ITFG1: variants seen among roughly 807,000 people sequenced by gnomAD.
ITFG1 encodes integrin alpha FG-GAP repeat containing 1.
A neutral mutation model predicts 81.8 loss-of-function variants in ITFG1; 34 were observed. The ratio of observed to expected loss-of-function variants is 0.42; its 90% CI spans 0.32 to 0.55. ITFG1 has a LOEUF of 0.55. Among genes scored for constraint, ITFG1 ranks in the 20% least tolerant of loss-of-function variants. The pLI is 0.17. For synonymous variants in ITFG1, 285 were observed against 270.6 expected, an observed-to-expected ratio of 1.05 and a Z score of -0.52; for missense variants, 672 against 755.4, an observed-to-expected ratio of 0.89 and a Z score of 1.29.
intron 11 of ITFG1, among the ~76,000 whole-genome samples, chr16:47,260,001 C>T (rs188635290): frequency 6.6e-5 from 10 of 150,498 alleles, no homozygotes; most frequent in South Asian, 2.1e-4. Context: ...TGCAGTGGCG[C>T]AATCTCGGCT....
At chr16:47,439,810 G>A (rs1434607446) in intron 5 of ITFG1, among the ~76,000 whole-genome samples, 1 of 152,148 alleles carries the variant, frequency 6.6e-6, no homozygotes, top group Non-Finnish European at 1.5e-5. Context: ...ACATCATAAT[G>A]ACAGGATAAA....
At chr16:47,362,621 A>G (rs1968123595) in intron 8 of ITFG1, among the ~76,000 whole-genome samples, 1 of 152,156 alleles carries the variant, frequency 6.6e-6, no homozygotes, top group Admixed American at 6.6e-5. Context: ...TAACCAAACC[A>G]TTTTTATGTC....
intron 14 of ITFG1, among the ~76,000 whole-genome samples, chr16:47,212,308 G>C (rs1358422990): frequency 2.0e-5 from 3 of 152,046 alleles, no homozygotes; most frequent in Admixed American, 2.0e-4. Flanking sequence ...TGACCTCCAG[G>C]GCTCAAGTGA....
rs76607451 is a variant in ITFG1 at position 47,265,371 on chromosome 16, T to C, written c.1071-4676A>G. Among the ~76,000 whole-genome samples the C allele has an allele frequency of 2.3e-3, 348 of 152,088 alleles. 1 individual carries two copies. Among genetic ancestry groups the C allele is most frequent in the Non-Finnish European group, 4.3e-3 (295 of 67,924 alleles). Reference sequence around the variant, plus strand: ...CAAGGAACACTGAAAATGGCAAACATGTAGGCAAACAGAAAAGTCTTTTTC... The same window carrying C: ...CAAGGAACACTGAAAATGGCAAACACGTAGGCAAACAGAAAAGTCTTTTTC... On this transcript the variant is annotated intron_variant, in intron 10 of 17. Coordinates refer to ENST00000320640, the MANE Select transcript of ITFG1 (RefSeq NM_030790.5).
intron 2 of ITFG1, among the ~76,000 whole-genome samples, chr16:47,455,005 A>T (rs1969434185): frequency 6.6e-6 from 1 of 152,214 alleles, no homozygotes; most frequent in Non-Finnish European, 1.5e-5. Context: ...CAAGTGGTGT[A>T]TTTCTGGAAA....
chr16:47,367,664 T>A (rs1456860190), intron 7 of ITFG1, among the ~76,000 whole-genome samples: 1 of 152,218 alleles, frequency 6.6e-6, no homozygotes, highest in Non-Finnish European at 1.5e-5. Flanking sequence ...AAAACCCAAA[T>A]GCTTGAGGAC....
intron 8 of ITFG1, among the ~76,000 whole-genome samples, chr16:47,364,230 C>T (rs1244263446): frequency 1.3e-5 from 2 of 152,018 alleles, no homozygotes; most frequent in African/African-American, 4.8e-5. Context: ...ATGAACTACC[C>T]AAAGCTATTA....
chr16:47,381,383 CATA>C (rs1458347202), intron 6 of ITFG1, among the ~76,000 whole-genome samples: 1 of 152,124 alleles, frequency 6.6e-6, no homozygotes, highest in Admixed American at 6.5e-5. Flanking sequence ...GAAAACTATT[CATA>C]ATATTATTTT....
intron 14 of ITFG1, among the ~76,000 whole-genome samples, chr16:47,191,785 G>A (rs1044941004): frequency 2.0e-5 from 3 of 152,104 alleles, no homozygotes; most frequent in Non-Finnish European, 4.4e-5. Flanking sequence ...CAAGTGCTGG[G>A]ATTACAGGCG....
chr16:47,447,093 C>T (rs535056049), intron 5 of ITFG1, among the ~76,000 whole-genome samples: 80 of 152,200 alleles, frequency 5.3e-4, no homozygotes, highest in Non-Finnish European at 9.6e-4. Context: ...GTCTTGAACT[C>T]CTGGGCTCAG....
intron 12 of ITFG1, among the ~76,000 whole-genome samples, chr16:47,252,209 G>A (rs987043546): frequency 2.6e-5 from 4 of 152,136 alleles, no homozygotes; most frequent in African/African-American, 9.7e-5. Context: ...TAATATGGTT[G>A]TGAATTATTA....
At chr16:47,242,975 T>C (rs1348243944) in intron 12 of ITFG1, among the ~76,000 whole-genome samples, 1 of 152,190 alleles carries the variant, frequency 6.6e-6, no homozygotes, top group Admixed American at 6.5e-5. Flanking sequence ...CACTTATGTA[T>C]ACTTTTCTAT....
intron 6 of ITFG1, among the ~76,000 whole-genome samples, chr16:47,409,387 TATATATATATATATATA>T (rs1457003748): frequency 1.1e-3 from 16 of 14,598 alleles, no homozygotes; most frequent in Non-Finnish European, 1.8e-3. Context: ...TATATATATA[TATATATATATATATATA>T]TTTTTTTTTT....
At chr16:47,310,055 T>C (rs1006597372) in intron 10 of ITFG1, among the ~76,000 whole-genome samples, 1 of 152,218 alleles carries the variant, frequency 6.6e-6, no homozygotes, top group East Asian at 1.9e-4. Context: ...TTCACACACA[T>C]AGGTTACAAG....
chr16:47,334,173 G>A (rs111946645), intron 8 of ITFG1, among the ~76,000 whole-genome samples: 2 of 152,302 alleles, frequency 1.3e-5, no homozygotes, highest in African/African-American at 2.4e-5. Flanking sequence ...TTTAGGCTGG[G>A]TGCAGCGGTT....
intron 16 of ITFG1, among the ~76,000 whole-genome samples, chr16:47,160,905 C>T (rs1225718418): frequency 2.0e-5 from 3 of 152,004 alleles, no homozygotes; most frequent in Admixed American, 1.3e-4. Context: ...TACATTCGAT[C>T]GAGATGTTTA....
chr16:47,210,057 T>A (rs1294258978), intron 14 of ITFG1, among the ~76,000 whole-genome samples: 1 of 152,182 alleles, frequency 6.6e-6, no homozygotes, highest in Non-Finnish European at 1.5e-5. Context: ...CTCTCTGGGA[T>A]AAATGCCTGG....
intron 12 of ITFG1, among the ~76,000 whole-genome samples, chr16:47,238,787 C>T (rs777075040): frequency 5.3e-5 from 8 of 152,008 alleles, no homozygotes; most frequent in Non-Finnish European, 1.2e-4. Context: ...TAAAATATAT[C>T]CAGAAGAAAA....
intron 6 of ITFG1, among the ~76,000 whole-genome samples, chr16:47,415,397 A>T (rs1427333687): frequency 6.6e-6 from 1 of 152,204 alleles, no homozygotes; most frequent in Non-Finnish European, 1.5e-5. Flanking sequence ...AGACAATCAG[A>T]ATGACATGAT....
Sources: gnomAD v4.1 joint callset for allele counts (sites outside exome capture counted in the v4.1 genomes callset) on GRCh38, gnomAD v4.1.1 for gene constraint, MANE v1.5 for transcripts, NCBI Gene and HGNC (gene_info 2026-07-23, HGNC 2026-07-21) for gene names.